CDH22: variants seen among roughly 807,000 people sequenced by gnomAD.
CDH22 encodes the protein cadherin-22.
Under a neutral mutation model 58.4 loss-of-function variants are expected in CDH22, and 30 were observed. The ratio of observed to expected loss-of-function variants is 0.51; its 90% CI spans 0.38 to 0.70. CDH22 has a LOEUF of 0.70. CDH22 is among the 30% of genes least tolerant of loss of function. The pLI is 0.00. For missense variants in CDH22, 1,014 were observed against 1,233.9 expected (o/e 0.82, Z 2.67); for synonymous variants, 513 against 558.2 (o/e 0.92, Z 1.14).
rs1235953678 is a variant in CDH22 at position 46,174,791 on chromosome 20, C to T, written c.2202G>A (p.Pro734=). 8.0e-6 allele frequency: 12 copies of T among 1,498,218 alleles called. No individual in the cohort carries two copies. The highest frequency in any genetic ancestry group is 1.1e-5 in the Non-Finnish European group (12 of 1,130,322). 92.8% of individuals were successfully genotyped at this position (1,498,218 alleles called of 1,614,324 possible). Residue 734 remains proline, a synonymous_variant, in exon 12 of 12, where the codon CCG becomes CCA. Transcript: ENST00000537909. The surrounding 1 kb of genome is among the most constrained non-coding windows in gnomAD (Gnocchi z 4.4). ...AHLPSERHSL[P]QGPPSPEPDF... is the part of the protein sequence containing the mutation. ...CTGGCTCGGGGCTCGGCGGCCCCTG[C>T]GGCAGCGAGTGGCGCTCGGAGGGCA...
chr20:46,217,211 T>G (rs2086092526), intron 4 of CDH22, among the ~76,000 whole-genome samples: 1 of 151,896 alleles, frequency 6.6e-6, no homozygotes, highest in Non-Finnish European at 1.5e-5. Flanking sequence ...CAGATACACA[T>G]GCCCACACAG....
intron 1 of CDH22, among the ~76,000 whole-genome samples, chr20:46,306,218 T>C (rs1216092504): frequency 6.6e-6 from 1 of 152,252 alleles, no homozygotes; most frequent in Admixed American, 6.5e-5. Flanking sequence ...CGGCTCTGTT[T>C]TGCCCCAGGC....
intron 1 of CDH22, among the ~76,000 whole-genome samples, chr20:46,302,338 A>G (rs894489023): frequency 6.6e-6 from 1 of 152,146 alleles, no homozygotes; most frequent in Non-Finnish European, 1.5e-5. Flanking sequence ...GCCTCTACCC[A>G]TCAGATGACA....
chr20:46,269,400 A>C (rs1469682733), intron 1 of CDH22, among the ~76,000 whole-genome samples: 1 of 152,242 alleles, frequency 6.6e-6, no homozygotes, highest in Non-Finnish European at 1.5e-5. Flanking sequence ...ATCTTCCGCC[A>C]ATAAAATAAT....
chr20:46,253,155 C>G (rs889759226), intron 1 of CDH22, among the ~76,000 whole-genome samples: 1 of 152,224 alleles, frequency 6.6e-6, no homozygotes, highest in Non-Finnish European at 1.5e-5. Context: ...AAACGCAGAC[C>G]ACCTTCTTTA....
chr20:46,306,447 G>A (rs2086678387), intron 1 of CDH22, among the ~76,000 whole-genome samples: 1 of 152,262 alleles, frequency 6.6e-6, no homozygotes, highest in Non-Finnish European at 1.5e-5. Flanking sequence ...CCACCCAAGA[G>A]GTACAGGTGC....
intron 3 of CDH22, among the ~76,000 whole-genome samples, chr20:46,233,249 C>T (rs1937830933): frequency 6.6e-6 from 1 of 152,156 alleles, no homozygotes; most frequent in Non-Finnish European, 1.5e-5. Context: ...CCCTCCCCTC[C>T]TCACCTTTTC....
chr20:46,280,517 G>C (rs561954694), intron 1 of CDH22, among the ~76,000 whole-genome samples: 4 of 152,270 alleles, frequency 2.6e-5, no homozygotes, highest in African/African-American at 7.2e-5. Flanking sequence ...CACCTTCTCA[G>C]GGGGGCTGGC....
chr20:46,261,594 C>T (rs559431722), intron 1 of CDH22, among the ~76,000 whole-genome samples: 6 of 152,186 alleles, frequency 3.9e-5, no homozygotes, highest in South Asian at 4.1e-4. Context: ...TATGTGTCCT[C>T]TCTCCATGCT....
At chr20:46,209,714 GA>G (rs1465494780) in intron 7 of CDH22, 2 of 152,292 alleles carry the variant, frequency 1.3e-5, no homozygotes, top group African/African-American at 4.8e-5. Flanking sequence ...GGATTGAAGG[GA>G]GGCATGAGAG....
At chr20:46,229,981 G>C (rs1490185723) in intron 3 of CDH22, among the ~76,000 whole-genome samples, 1 of 152,108 alleles carries the variant, frequency 6.6e-6, no homozygotes, top group African/African-American at 2.4e-5. Context: ...CCCCAATCCA[G>C]GATTCTTTAT....
At chr20:46,277,387 G>A (rs2086524000) in intron 1 of CDH22, among the ~76,000 whole-genome samples, 1 of 152,168 alleles carries the variant, frequency 6.6e-6, no homozygotes, top group African/African-American at 2.4e-5. Context: ...TCCTCTCTGT[G>A]GACACAGCAT....
chr20:46,242,220 C>G lies in CDH22; in HGVS notation c.256-963G>C, dbSNP rs138515761. 3.4e-3 allele frequency among the ~76,000 whole-genome samples: 517 copies of G among 152,172 alleles called. 3 individuals carry two copies. The highest frequency in any genetic ancestry group is 0.012 in the African/African-American group (496 of 41,516). On this transcript the variant is annotated intron_variant, in intron 2 of 11. Coordinates refer to ENST00000537909, the MANE Select transcript of CDH22 (RefSeq NM_021248.3). Reference sequence around the variant, plus strand: ...ATCTTTATTTTACAGATTTTTTTCCCACTTCCTAATGAAGATTGGAGAAGT... The same window carrying G: ...ATCTTTATTTTACAGATTTTTTTCCGACTTCCTAATGAAGATTGGAGAAGT...
rs1568673839 is a variant in CDH22 at position 46,251,136 on chromosome 20, GC to G, written c.158del (p.Gly53AlafsTer20). ...SPSAPGARQD[G>X]ALGAGRVKRG... The stretch of plus-strand genomic sequence containing the variant: ...GTTTGACGCGGCCGGCTCCCAGCGC[GC>G]CGTCCTGCCGAGCTCCGGGCGCCGA... On this transcript the variant is annotated frameshift_variant, in exon 2 of 12. Transcript: ENST00000537909. LOFTEE classifies it high-confidence loss of function. This position sits in a 1 kb window ranked among gnomAD's most constrained non-coding sequence, Gnocchi z 6.7. 1 of 1,601,300 alleles carries G rather than the reference GC, an allele frequency of 6.2e-7. No individual in the cohort carries two copies. The highest frequency in any genetic ancestry group is 1.7e-5 in the Admixed American group (1 of 58,976).
intron 10 of CDH22, among the ~76,000 whole-genome samples, chr20:46,186,263 C>T (rs533240682): frequency 6.6e-6 from 1 of 151,730 alleles, no homozygotes; most frequent in African/African-American, 2.4e-5. Flanking sequence ...GGAGTGTGTG[C>T]ACGTGGCTTA....
chr20:46,271,924 T>C (rs1299081397), intron 1 of CDH22, among the ~76,000 whole-genome samples: 1 of 152,208 alleles, frequency 6.6e-6, no homozygotes, highest in Non-Finnish European at 1.5e-5. Context: ...AGCTGCTCTC[T>C]CATGCCTCCA....
At position 46,205,427 on chromosome 20, in the gene CDH22, T is replaced by C. The variant is rs75487311; in HGVS notation, c.1286+4880A>G. ...GAAACCGAGGCTCAGAGGGGGTGCATTGACTTGCCCAAGACTCCACAACTG... is the reference window on the plus strand; with the variant it reads ...GAAACCGAGGCTCAGAGGGGGTGCACTGACTTGCCCAAGACTCCACAACTG... On this transcript the variant is annotated intron_variant, in intron 7 of 11. Coordinates refer to ENST00000537909, the MANE Select transcript of CDH22 (RefSeq NM_021248.3). Among the ~76,000 whole-genome samples the C allele has an allele frequency of 1.2e-3, 177 of 152,246 alleles. 1 individual carries two copies. The highest frequency in any genetic ancestry group is 4.2e-3 in the African/African-American group (173 of 41,540).
At chr20:46,242,211 T>A (rs377651536) in intron 2 of CDH22, among the ~76,000 whole-genome samples, 56 of 152,290 alleles carry the variant, frequency 3.7e-4, no homozygotes, top group African/African-American at 1.3e-3. Context: ...ATTTTACAGA[T>A]TTTTTTCCCA....
intron 4 of CDH22, among the ~76,000 whole-genome samples, chr20:46,227,181 C>G (rs896023784): frequency 5.2e-4 from 79 of 152,222 alleles, no homozygotes; most frequent in African/African-American, 1.9e-3. Context: ...TTCAACTTAG[C>G]TCCAAGGACA....
Sources: allele counts gnomAD v4.1 joint callset (sites outside exome capture counted in the v4.1 genomes callset), GRCh38; gene constraint gnomAD v4.1.1; non-coding constraint Gnocchi (gnomAD v3.1); transcripts MANE v1.5; gene names NCBI Gene and HGNC (gene_info 2026-07-23, HGNC 2026-07-21).